FBXO25: variants seen among roughly 807,000 people sequenced by gnomAD.
FBXO25 encodes the protein F-box only protein 25.
In FBXO25, 45 loss-of-function variants were observed where a neutral mutation model predicts 51.9. That is an observed-to-expected ratio of 0.87 (90% CI 0.68 to 1.11). FBXO25 has a LOEUF of 1.11. Among genes scored for constraint, FBXO25 ranks in the 50% most tolerant of loss-of-function variants. The pLI, the probability that FBXO25 is intolerant of heterozygous loss-of-function variation, is 0.00. For synonymous variants in FBXO25, 199 were observed against 151.0 expected (o/e 1.32, Z -2.33); for missense variants, 507 against 428.5 (o/e 1.18, Z -1.62).
intron 5 of FBXO25, 82 bp downstream of exon 5, chr8:435,789 G>A (rs1798069860): frequency 3.3e-6 from 5 of 1,533,496 alleles, no homozygotes; most frequent in Admixed American, 2.2e-5. Flanking sequence ...CAACGTTGAA[G>A]ATGCTTTTGG....
At chr8:458,626 C>CA in intron 8 of FBXO25, 75 bp downstream of exon 8, 1 of 1,383,990 alleles carries the variant, frequency 7.2e-7, no homozygotes, top group Non-Finnish European at 9.9e-7. Context: ...CCTATAAACT[C>CA]ACCTGGAGAG....
chr8:463,386 A>T (rs896434729), intron 9 of FBXO25, among the ~76,000 whole-genome samples: 2 of 152,238 alleles, frequency 1.3e-5, no homozygotes, highest in African/African-American at 4.8e-5. Flanking sequence ...GTTAGCATGC[A>T]GGAGGGCGTT....
intron 2 of FBXO25, among the ~76,000 whole-genome samples, chr8:418,437 T>G (rs556504507): frequency 2.7e-5 from 4 of 150,022 alleles, no homozygotes; most frequent in Non-Finnish European, 5.9e-5. Context: ...CCTCCTGGGT[T>G]CAAGCAATTC....
At chr8:445,472 G>C (rs1163119665) in intron 5 of FBXO25, among the ~76,000 whole-genome samples, 1 of 152,176 alleles carries the variant, frequency 6.6e-6, no homozygotes, top group Non-Finnish European at 1.5e-5. Flanking sequence ...GGACCCCAAA[G>C]AGATTTTGGT....
chr8:465,804 G>T (rs1424966010), intron 9 of FBXO25, among the ~76,000 whole-genome samples: 1 of 152,160 alleles, frequency 6.6e-6, no homozygotes, highest in Non-Finnish European at 1.5e-5. Context: ...TGGATTACAG[G>T]TGCTCCATGT....
chr8:467,554 T>C (rs990677612), intron 9 of FBXO25, among the ~76,000 whole-genome samples: 1 of 152,254 alleles, frequency 6.6e-6, no homozygotes, highest in South Asian at 2.1e-4. Context: ...TTTAATAACC[T>C]TGTACTGTCC....
chr8:434,709 A>C (rs1437392671), intron 4 of FBXO25, among the ~76,000 whole-genome samples: 3 of 152,146 alleles, frequency 2.0e-5, no homozygotes, highest in African/African-American at 7.2e-5. Context: ...TTGACATGAA[A>C]ATCTGTAGAT....
At chr8:458,300 C>T (rs752956629) in intron 7 of FBXO25, 69 bp from the exon 8 acceptor site, 16 of 1,518,444 alleles carry the variant, frequency 1.1e-5, no homozygotes, top group Non-Finnish European at 1.4e-5. Flanking sequence ...TCCAGCTTGA[C>T]TCTTCAGTTA....
At chr8:452,644 G>T (rs1010212097) in intron 7 of FBXO25, among the ~76,000 whole-genome samples, 17 of 152,198 alleles carry the variant, frequency 1.1e-4, no homozygotes, top group Non-Finnish European at 2.1e-4. Flanking sequence ...TCCCAAGGAA[G>T]GGGGTGTTTG....
At chr8:467,170 G>A (rs555769528) in intron 9 of FBXO25, among the ~76,000 whole-genome samples, 1 of 152,276 alleles carries the variant, frequency 6.6e-6, no homozygotes, top group Admixed American at 6.5e-5. Flanking sequence ...CAGCACAGGA[G>A]GGCAGCTGCT....
intron 5 of FBXO25, among the ~76,000 whole-genome samples, chr8:447,484 G>T (rs1003365492): frequency 6.6e-6 from 1 of 152,152 alleles, no homozygotes; most frequent in South Asian, 2.1e-4. Context: ...AAAAAAACAG[G>T]AAACTCATGA....
intron 9 of FBXO25, among the ~76,000 whole-genome samples, chr8:467,174 A>T (rs1419557528): frequency 6.6e-6 from 1 of 152,192 alleles, no homozygotes; most frequent in Non-Finnish European, 1.5e-5. Flanking sequence ...ACAGGAGGGC[A>T]GCTGCTGAGG....
chr8:410,612 G>GA (rs1796429824), intron 1 of FBXO25, among the ~76,000 whole-genome samples: 1 of 152,102 alleles, frequency 6.6e-6, no homozygotes, highest in African/African-American at 2.4e-5. Flanking sequence ...GAATGTTCTT[G>GA]AAAATCATAA....
chr8:414,127 T>G (rs1485528459), intron 2 of FBXO25, among the ~76,000 whole-genome samples: 1 of 152,218 alleles, frequency 6.6e-6, no homozygotes, highest in South Asian at 2.1e-4. Flanking sequence ...TTTTGCAGTA[T>G]TTGAAGCAGA....
chr8:451,144 C>T (rs935497857), intron 6 of FBXO25, 125 bp from the exon 7 acceptor site: 17 of 711,736 alleles, frequency 2.4e-5, no homozygotes, highest in Non-Finnish European at 3.6e-5. Flanking sequence ...TATTCTATTG[C>T]ATGTATAGAT....
At chr8:436,576 C>T (rs1295638581) in intron 5 of FBXO25, among the ~76,000 whole-genome samples, 2 of 152,178 alleles carry the variant, frequency 1.3e-5, no homozygotes, top group Non-Finnish European at 2.9e-5. Flanking sequence ...TGAAGCCCAG[C>T]CACCACATGC....
At chr8:414,346 T>C (rs1585000954) in intron 2 of FBXO25, among the ~76,000 whole-genome samples, 1 of 152,108 alleles carries the variant, frequency 6.6e-6, no homozygotes, top group South Asian at 2.1e-4. Context: ...TTTATGGCAG[T>C]TTTTTTAAAA....
At chr8:413,636 C>T (rs1796620675) in intron 2 of FBXO25, among the ~76,000 whole-genome samples, 1 of 152,166 alleles carries the variant, frequency 6.6e-6, no homozygotes, top group Admixed American at 6.5e-5. Context: ...GGGCCAAGCA[C>T]AGTCTGTCTT....
At chr8:435,106 C>T (rs1798025043) in intron 4 of FBXO25, among the ~76,000 whole-genome samples, 1 of 152,142 alleles carries the variant, frequency 6.6e-6, no homozygotes, top group Admixed American at 6.5e-5. Flanking sequence ...CCAGCCTGGG[C>T]AGTGCATGGC....
Sources: allele counts gnomAD v4.1 joint callset (sites outside exome capture counted in the v4.1 genomes callset), GRCh38; gene constraint gnomAD v4.1.1; transcripts MANE v1.5; gene names NCBI Gene and HGNC (gene_info 2026-07-23, HGNC 2026-07-21).